The following EFL1 variants were observed in gnomAD, a reference collection of about 807,000 sequenced individuals.
EFL1 encodes the protein elongation factor like GTPase 1.
In EFL1, 76 loss-of-function variants were observed where a neutral mutation model predicts 126.7. That is an observed-to-expected ratio of 0.60 (90% CI 0.50 to 0.73). The LOEUF is 0.73. Among genes scored for constraint, EFL1 ranks in the 30% least tolerant of loss-of-function variants. The pLI is 0.00. For synonymous variants in EFL1, 410 were observed against 448.4 expected, an observed-to-expected ratio of 0.91 and a Z score of 1.08; for missense variants, 1,128 against 1,343.2, an observed-to-expected ratio of 0.84 and a Z score of 2.50.
At chr15:82,220,791 GAGGTAATTA>G (rs1295644724) in intron 12 of EFL1, among the ~76,000 whole-genome samples, 1 of 150,718 alleles carries the variant, frequency 6.6e-6, no homozygotes, top group African/African-American at 2.4e-5. Context: ...AGGGGTGGGG[GAGGTAATTA>G]AGCTCTTTTT....
intron 17 of EFL1, among the ~76,000 whole-genome samples, chr15:82,156,506 A>C (rs1490226601): frequency 6.6e-6 from 1 of 152,122 alleles, no homozygotes; most frequent in Non-Finnish European, 1.5e-5. Flanking sequence ...GATGGTCTCG[A>C]TCTCCTGACC....
At chr15:82,159,464 TAAGAA>T (rs1054761445) in intron 16 of EFL1, among the ~76,000 whole-genome samples, 7 of 150,260 alleles carry the variant, frequency 4.7e-5, no homozygotes, top group African/African-American at 1.7e-4. Flanking sequence ...AGTTTAACAA[TAAGAA>T]AAGTTTTTTT....
chr15:82,142,999 T>G (rs897019817), intron 18 of EFL1, among the ~76,000 whole-genome samples: 4 of 152,234 alleles, frequency 2.6e-5, no homozygotes, highest in African/African-American at 9.6e-5. Flanking sequence ...TATATACATT[T>G]TCTTCTTCCA....
chr15:82,202,848 G>A (rs920499653), intron 15 of EFL1, among the ~76,000 whole-genome samples: 1 of 145,318 alleles, frequency 6.9e-6, no homozygotes, highest in African/African-American at 2.6e-5. Context: ...GTCTTGCTCT[G>A]TCGTCCAGGC....
Position 82,230,828 on chromosome 15 carries a change from A to T in EFL1, c.855+20T>A, listed in dbSNP as rs1486945218. Reference sequence around the variant, plus strand: ...GGCAAGAATATGACCAACAACCAAAAGGGACATATACCACATTACCTGATC... The same window carrying T: ...GGCAAGAATATGACCAACAACCAAATGGGACATATACCACATTACCTGATC... On this transcript the variant is annotated intron_variant, in intron 8 of 19. Coordinates refer to ENST00000268206, the MANE Select transcript of EFL1 (RefSeq NM_024580.6). 1 of 1,585,950 alleles carries T rather than the reference A, an allele frequency of 6.3e-7. No individual in the cohort carries two copies. Among genetic ancestry groups the T allele is most frequent in the African/African-American group, 1.4e-5 (1 of 73,416 alleles).
chr15:82,245,521 G>A (rs190246980), intron 4 of EFL1, among the ~76,000 whole-genome samples: 34 of 152,012 alleles, frequency 2.2e-4, no homozygotes, highest in Non-Finnish European at 4.1e-4. Flanking sequence ...CAACTAATAC[G>A]ACTTATTATT....
chr15:82,155,068 T>C (rs1044020045), intron 17 of EFL1, among the ~76,000 whole-genome samples: 1 of 152,254 alleles, frequency 6.6e-6, no homozygotes, highest in Non-Finnish European at 1.5e-5. Flanking sequence ...TATTGTGAGA[T>C]TCACCTATGT....
intron 2 of EFL1, among the ~76,000 whole-genome samples, chr15:82,260,134 C>A (rs188009559): frequency 6.6e-6 from 1 of 152,214 alleles, no homozygotes; most frequent in Non-Finnish European, 1.5e-5. Flanking sequence ...ATGGATGAAT[C>A]CCAGGTTTTT....
At chr15:82,213,583 A>T (rs2074611429) in intron 15 of EFL1, among the ~76,000 whole-genome samples, 1 of 152,194 alleles carries the variant, frequency 6.6e-6, no homozygotes, top group African/African-American at 2.4e-5. Context: ...TCGTATAAAA[A>T]CCATTCACTC....
intron 15 of EFL1, among the ~76,000 whole-genome samples, chr15:82,198,478 A>G (rs1309391766): frequency 6.6e-6 from 1 of 152,210 alleles, no homozygotes; most frequent in Non-Finnish European, 1.5e-5. Flanking sequence ...CCTGCTTATG[A>G]GAAGAGATCT....
intron 15 of EFL1, among the ~76,000 whole-genome samples, chr15:82,169,002 C>T (rs1412800153): frequency 6.6e-6 from 1 of 152,074 alleles, no homozygotes; most frequent in Non-Finnish European, 1.5e-5. Flanking sequence ...TATTATGTGT[C>T]ACTGTAAGGT....
At chr15:82,171,056 T>C (rs1039439993) in intron 15 of EFL1, among the ~76,000 whole-genome samples, 2 of 152,214 alleles carry the variant, frequency 1.3e-5, no homozygotes, top group Non-Finnish European at 2.9e-5. Flanking sequence ...ACTGAATTCC[T>C]TCTACCTTTA....
intron 19 of EFL1, among the ~76,000 whole-genome samples, chr15:82,131,420 C>T (rs2073642546): frequency 6.6e-6 from 1 of 152,100 alleles, no homozygotes; most frequent in Admixed American, 6.5e-5. Flanking sequence ...ACCTCCCAAG[C>T]AGCTAGGATT....
chr15:82,177,261 A>T (rs2074204492), intron 15 of EFL1, among the ~76,000 whole-genome samples: 1 of 152,254 alleles, frequency 6.6e-6, no homozygotes, highest in African/African-American at 2.4e-5. Flanking sequence ...GACACAAATT[A>T]CATGGGTATT....
In EFL1 at chr15:82,130,454, T is replaced by G. The variant is rs1207724081; in HGVS notation, c.3282A>C (p.Val1094=). The part of the protein sequence containing the change: ...ENQARKYMNA[V]RKRKGLYVEE... ...CCACATAAAGCCCCTTCCGCTTTCG[T>G]ACTGCGTTCATGTACTTCCGGGCTT... is the stretch of plus-strand genomic sequence containing the variant. The change falls in exon 20 of 20, where the codon GTA becomes GTC. Residue 1094 remains valine, a synonymous_variant. Transcript: ENST00000268206. The G allele has an allele frequency of 6.2e-7, 1 of 1,614,224 alleles. No homozygotes were observed. The highest frequency in any genetic ancestry group is 1.1e-5 in the South Asian group (1 of 91,086).
intron 15 of EFL1, among the ~76,000 whole-genome samples, chr15:82,170,403 C>T (rs976703023): frequency 3.3e-5 from 5 of 152,032 alleles, no homozygotes; most frequent in Admixed American, 2.6e-4. Flanking sequence ...CGTGAGCCAC[C>T]GCGCCCGGCC....
At position 82,196,151 on chromosome 15, in the gene EFL1, T is replaced by C. The variant is rs553995800; in HGVS notation, c.1750+18566A>G. Among the ~76,000 whole-genome samples, 14 of 151,924 alleles carry C rather than the reference T, an allele frequency of 9.2e-5. No individual in the cohort carries two copies. In the South Asian group the frequency reaches 1.7e-3, roughly 18 times the overall value. ...GTCAGAAGAAGCAGACAGTGAAGGG[T>C]CTCTTTCCAAACTGAGCAGAACTGA... is the stretch of plus-strand genomic sequence containing the variant. On this transcript the variant is annotated intron_variant, in intron 15 of 19. Transcript: ENST00000268206.
At chr15:82,197,992 A>G (rs553024065) in intron 15 of EFL1, among the ~76,000 whole-genome samples, 477 of 152,360 alleles carry the variant, frequency 3.1e-3, no homozygotes, top group Non-Finnish European at 5.2e-3. Flanking sequence ...TGTGTTAACG[A>G]AACTGTAGCA....
intron 15 of EFL1, among the ~76,000 whole-genome samples, chr15:82,207,278 ATG>A (rs754666632): frequency 0.026 from 3,449 of 130,854 alleles, 59 homozygotes; most frequent in Admixed American, 0.041. Context: ...ATATATATTT[ATG>A]TGTGTGTATA....
Sources: gnomAD v4.1 joint callset for allele counts (sites outside exome capture counted in the v4.1 genomes callset) on GRCh38, gnomAD v4.1.1 for gene constraint, MANE v1.5 for transcripts, NCBI Gene and HGNC (gene_info 2026-07-23, HGNC 2026-07-21) for gene names.